Variants in MYOM2 observed in about 807,000 individuals in gnomAD.
The protein encoded by MYOM2 is myomesin-2.
In MYOM2, 254 loss-of-function variants were observed where a neutral mutation model predicts 187.6. The ratio of observed to expected loss-of-function variants is 1.35; its 90% CI spans 1.22 to 1.50. The LOEUF is 1.50. Ranked by LOEUF, MYOM2 falls within the 40% of genes most tolerant of loss-of-function variation. The pLI is 0.00. For synonymous variants in MYOM2, 981 were observed against 753.8 expected, an observed-to-expected ratio of 1.30 and a Z score of -4.94; for missense variants, 2,796 against 1,924.0, an observed-to-expected ratio of 1.45 and a Z score of -8.48.
rs1326354098 is a variant in MYOM2 at position 2,045,460 on chromosome 8, T to A, written c.-13+292T>A. Among the ~76,000 whole-genome samples, 5 of 152,228 alleles carry A rather than the reference T, an allele frequency of 3.3e-5. No individual in the cohort carries two copies. In the East Asian group the frequency reaches 9.7e-4, roughly 29 times the overall value. ...GCTTTGGGTTTTAGCCCTGGTCTCATCGTGGCCCCAGGGGGCCCCCCAGTC... is the reference window on the plus strand; with the variant it reads ...GCTTTGGGTTTTAGCCCTGGTCTCAACGTGGCCCCAGGGGGCCCCCCAGTC... On this transcript the variant is annotated intron_variant, in intron 1 of 36. Coordinates refer to ENST00000262113, the MANE Select transcript of MYOM2 (RefSeq NM_003970.4).
chr8:2,093,869 A>G (rs1585893340), intron 16 of MYOM2, 101 bp from the exon 17 acceptor site: 3 of 1,418,712 alleles, frequency 2.1e-6, no homozygotes, highest in South Asian at 2.6e-5. Flanking sequence ...TATGTTATCC[A>G]TAAAAATTTT....
At chr8:2,127,468 C>T (rs1797688579) in intron 31 of MYOM2, among the ~76,000 whole-genome samples, 2 of 152,238 alleles carry the variant, frequency 1.3e-5, no homozygotes. Flanking sequence ...TGGGGATGGG[C>T]TCAAATTCTG....
chr8:2,109,231 G>C (rs1796988291), intron 24 of MYOM2, 164 bp from the exon 25 acceptor site: 1 of 834,628 alleles, frequency 1.2e-6, no homozygotes, highest in Non-Finnish European at 1.8e-6. Flanking sequence ...CAACAGGCCA[G>C]CTCAAGTTTT....
At chr8:2,143,285 C>G in intron 35 of MYOM2, 116 bp from the exon 36 acceptor site, 1 of 1,175,208 alleles carries the variant, frequency 8.5e-7, no homozygotes, top group Non-Finnish European at 1.3e-6. Context: ...CTCGCTCTCT[C>G]CTGAGCATAA....
rs142834438 is a variant in MYOM2 at position 2,144,957 on chromosome 8, G to A, written c.4374G>A (p.Ala1458=). ...AAGCCAAGCCCAAGCTCATCCCCGCGTCTGCCTCAGCGGCAGGCCAGTGAA... is the reference window on the plus strand; with the variant it reads ...AAGCCAAGCCCAAGCTCATCCCCGCATCTGCCTCAGCGGCAGGCCAGTGAA... ...PQQAKPKLIP[A]SASAAGQ Residue 1458 remains alanine (A), a synonymous_variant, in exon 37 of 37, where the codon GCG becomes GCA. Transcript: ENST00000262113. 6.4e-4 allele frequency: 1,028 copies of A among 1,614,102 alleles called. 1 individual carries two copies. The highest frequency in any genetic ancestry group is 8.1e-4 in the Non-Finnish European group (954 of 1,180,020).
chr8:2,082,921 G>A (rs1228367098), intron 13 of MYOM2, among the ~76,000 whole-genome samples: 2 of 152,102 alleles, frequency 1.3e-5, no homozygotes, highest in South Asian at 4.1e-4. Context: ...GGTGGATGAG[G>A]GAACAAAATA....
intron 3 of MYOM2, among the ~76,000 whole-genome samples, chr8:2,053,068 A>AT (rs1818545834): frequency 6.6e-6 from 1 of 152,078 alleles, no homozygotes; most frequent in African/African-American, 2.4e-5. Context: ...TACCTGCTGT[A>AT]TTTTTTCCCT....
intron 32 of MYOM2, among the ~76,000 whole-genome samples, chr8:2,129,857 G>T (rs1797791259): frequency 6.6e-6 from 1 of 152,146 alleles, no homozygotes; most frequent in African/African-American, 2.4e-5. Context: ...CAGGCAAACT[G>T]CTGGCTGAAT....
At position 2,127,673 on chromosome 8, in the gene MYOM2, G is replaced by T. The variant is rs13276207; in HGVS notation, c.3695-1454G>T. 4.3e-3 allele frequency: 618 copies of T among 143,784 alleles called. 32 individuals carry two copies. The highest frequency in any genetic ancestry group is 0.016 in the African/African-American group (577 of 36,570). The allele number at this position is 143,784 out of a possible 1,614,324, so 8.9% of individuals were successfully genotyped here. ...GCAGGCAGTACCTCGGCGTGACGCGGTGACGCAGCCGCAGGCAGGCAGTAC... is the reference window on the plus strand; with the variant it reads ...GCAGGCAGTACCTCGGCGTGACGCGTTGACGCAGCCGCAGGCAGGCAGTAC... On this transcript the variant is annotated intron_variant, in intron 31 of 36. Transcript: ENST00000262113.
intron 17 of MYOM2, among the ~76,000 whole-genome samples, chr8:2,095,027 C>A (rs1796432433): frequency 6.6e-6 from 1 of 152,194 alleles, no homozygotes; most frequent in Non-Finnish European, 1.5e-5. Flanking sequence ...ACAGGGTTAT[C>A]TTCCCACTTC....
chr8:2,111,287 T>C (rs546134761), intron 25 of MYOM2, among the ~76,000 whole-genome samples: 104 of 152,332 alleles, frequency 6.8e-4, no homozygotes, highest in African/African-American at 2.3e-3. Flanking sequence ...CATATAAAAG[T>C]CTGTATTTAT....
intron 32 of MYOM2, among the ~76,000 whole-genome samples, chr8:2,139,498 G>C (rs1372052980): frequency 6.6e-6 from 1 of 152,156 alleles, no homozygotes; most frequent in Non-Finnish European, 1.5e-5. Context: ...GAATAACAGA[G>C]AAAAAGGCTA....
intron 12 of MYOM2, 60 bp downstream of exon 12, chr8:2,078,993 G>A (rs1011201700): frequency 1.3e-6 from 2 of 1,541,364 alleles, no homozygotes; most frequent in East Asian, 2.3e-5. Flanking sequence ...TTTTGTGTGT[G>A]ATTTGTTGTC....
intron 13 of MYOM2, among the ~76,000 whole-genome samples, chr8:2,084,478 T>C (rs761216054): frequency 5.3e-5 from 8 of 152,178 alleles, no homozygotes; most frequent in Non-Finnish European, 8.8e-5. Context: ...GCTAATCTAA[T>C]TGAAGGTTCA....
In MYOM2 at chr8:2,144,742, C is replaced by T; in HGVS notation, c.4159C>T (p.Leu1387Phe). The T allele has an allele frequency of 6.2e-7, 1 of 1,614,058 alleles. No individual in the cohort carries two copies. Among genetic ancestry groups the T allele is most frequent in the Non-Finnish European group, 8.5e-7 (1 of 1,180,018 alleles). The change falls in exon 37 of 37, where the codon CTC becomes TTC. Residue 1387 changes from leucine to phenylalanine, a missense_variant. By Grantham distance (22) the Leu-to-Phe change is conservative. Transcript: ENST00000262113. Reference sequence around the variant, plus strand: ...GTTCAAGAACGACCAGGACATCCAGCTCAGCGAGCACTTCTCGGTGAAGGT... The same window carrying T: ...GTTCAAGAACGACCAGGACATCCAGTTCAGCGAGCACTTCTCGGTGAAGGT... ...IWFKNDQDIQ[L>F]SEHFSVKVEQ...
intron 11 of MYOM2, 26 bp from the exon 12 acceptor site, chr8:2,078,708 G>A (rs755028400): frequency 1.2e-6 from 2 of 1,611,496 alleles, no homozygotes; most frequent in South Asian, 1.1e-5. Context: ...GCTATTCTCT[G>A]TTGTTTTTCT....
intron 13 of MYOM2, among the ~76,000 whole-genome samples, chr8:2,080,762 A>G (rs1211017114): frequency 6.6e-6 from 1 of 152,250 alleles, no homozygotes; most frequent in Non-Finnish European, 1.5e-5. Context: ...TACTGTTAGA[A>G]AAGAAGGCCT....
chr8:2,129,745 G>C (rs1028963946), intron 32 of MYOM2, among the ~76,000 whole-genome samples: 20 of 152,182 alleles, frequency 1.3e-4, no homozygotes, highest in Non-Finnish European at 2.1e-4. Context: ...AAAACTACCA[G>C]AGACTTCTCA....
At position 2,098,991 on chromosome 8, in the gene MYOM2, G is replaced by A. The variant is rs866195989; in HGVS notation, c.2440+8G>A. On this transcript the variant is annotated splice_region_variant and intron_variant, in intron 19 of 36. Coordinates refer to ENST00000262113, the MANE Select transcript of MYOM2 (RefSeq NM_003970.4). The stretch of plus-strand genomic sequence containing the variant: ...GGACCATGCCGGAGCCCGGTGAGTC[G>A]CTGCCCCCAGGACACCCGCGTTCCA... 7.5e-6 allele frequency: 12 copies of A among 1,598,262 alleles called. No individual in the cohort carries two copies. Among genetic ancestry groups the A allele is most frequent in the Middle Eastern group, 1.8e-4 (1 of 5,504 alleles).
Sources: allele counts gnomAD v4.1 joint callset (sites outside exome capture counted in the v4.1 genomes callset), GRCh38; gene constraint gnomAD v4.1.1; transcripts MANE v1.5; gene names NCBI Gene and HGNC (gene_info 2026-07-23, HGNC 2026-07-21).